BBIP1: variants seen among roughly 807,000 people sequenced by gnomAD.
BBIP1 encodes the protein BBSome-interacting protein 1.
In BBIP1, 6 loss-of-function variants were observed where a neutral mutation model predicts 8.9. The ratio of observed to expected loss-of-function variants is 0.67; its 90% CI spans 0.37 to 1.33. BBIP1 has a LOEUF of 1.33. Ranked by LOEUF, BBIP1 falls within the 40% of genes most tolerant of loss-of-function variation. The probability of loss-of-function intolerance (pLI) is 0.02; values close to 1 mark genes in which losing one functional copy is unlikely to be tolerated. For missense variants in BBIP1, 111 were observed against 109.2 expected, an observed-to-expected ratio of 1.02 and a Z score of -0.07; for synonymous variants, 32 against 33.4, an observed-to-expected ratio of 0.96 and a Z score of 0.14.
At position 110,898,814 on chromosome 10, in the gene BBIP1, A is replaced by G. The variant is rs761358804; in HGVS notation, c.*1546T>C. 2 of 152,606 alleles carry G rather than the reference A, an allele frequency of 1.3e-5. No individual in the cohort carries two copies. The highest frequency in any genetic ancestry group is 1.5e-5 in the Non-Finnish European group (1 of 68,026). The allele number at this position is 152,606 out of a possible 1,614,324, so 9.5% of individuals were successfully genotyped here. A position where few individuals can be genotyped will look rare whatever the true frequency, so the allele number is the denominator to read the frequency against. ...TCACACAGTAAATTTTGAATCTCATAAGGAAGCATATTTGAACCTAGTCAA... is the reference window on the plus strand; with the variant it reads ...TCACACAGTAAATTTTGAATCTCATGAGGAAGCATATTTGAACCTAGTCAA... On this transcript the variant is annotated 3_prime_UTR_variant, in exon 4 of 4. Transcript: ENST00000448814.
chr10:110,906,076 C>T (rs1564691597), intron 2 of BBIP1, among the ~76,000 whole-genome samples: 1 of 150,618 alleles, frequency 6.6e-6, no homozygotes, highest in African/African-American at 2.5e-5. Flanking sequence ...GATCTTGGCT[C>T]ACTGCAAGCT....
At chr10:110,906,841 T>TCA (rs1368509066) in intron 2 of BBIP1, 12 of 152,314 alleles carry the variant, frequency 7.9e-5, no homozygotes, top group Non-Finnish European at 1.8e-4. Flanking sequence ...ATTACAGGCG[T>TCA]GAGCCACTGT....
intron 2 of BBIP1, among the ~76,000 whole-genome samples, chr10:110,908,941 G>A (rs1301477977): frequency 6.6e-6 from 1 of 152,184 alleles, no homozygotes; most frequent in Non-Finnish European, 1.5e-5. Context: ...GTATTCAGGA[G>A]GACAATTACA....
rs1210114050 is a variant in BBIP1, at chr10:110,900,390, T to TGCCA, written c.245_248dup (p.Glu84GlyfsTer15). On this transcript the variant is annotated frameshift_variant, in exon 4 of 4. Transcript: ENST00000448814. LOFTEE classifies it high-confidence loss of function. Reference sequence around the variant, plus strand: ...GGGTTATTTGCCGTTGATCCTTTTCTGCCATTTCTTGTTGGCGAATTGTAT... The same window carrying TGCCA: ...GGGTTATTTGCCGTTGATCCTTTTCTGCCAGCCATTTCTTGTTGGCGAATTGTAT... 2.6e-6 allele frequency: 4 copies of TGCCA among 1,535,460 alleles called. No individual in the cohort carries two copies. In the Admixed American group the frequency reaches 7.8e-5, roughly 30 times the overall value.
intron 2 of BBIP1, among the ~76,000 whole-genome samples, chr10:110,909,807 C>T (rs888634999): frequency 2.6e-5 from 4 of 152,248 alleles, no homozygotes; most frequent in African/African-American, 9.6e-5. Context: ...ACAACAAAAG[C>T]ATTACTCTTT....
Position 110,900,302 on chromosome 10 carries a change from C to T in BBIP1, c.*58G>A. On this transcript the variant is annotated 3_prime_UTR_variant, in exon 4 of 4. Transcript: ENST00000448814. ...CTTTCAGCACACAGAAGCATATTTTCTAGTTATTGTTAAATAGTAGATAAG... is the reference window on the plus strand; with the variant it reads ...CTTTCAGCACACAGAAGCATATTTTTTAGTTATTGTTAAATAGTAGATAAG... 7.0e-7 allele frequency: 1 copy of T among 1,421,926 alleles called. No individual in the cohort carries two copies. Among genetic ancestry groups the T allele is most frequent in the Non-Finnish European group, 9.3e-7 (1 of 1,069,580 alleles). 88.1% of individuals were successfully genotyped at this position (1,421,926 alleles called of 1,614,324 possible). A position where few individuals can be genotyped will look rare whatever the true frequency, so the allele number is the denominator to read the frequency against.
intron 2 of BBIP1, chr10:110,911,886 C>T (rs1386850897): frequency 2.0e-5 from 3 of 152,042 alleles, no homozygotes; most frequent in Non-Finnish European, 4.4e-5. Flanking sequence ...GAGAGATAAT[C>T]GTAGACTATG....
Position 110,900,352 on chromosome 10 carries a change from G to C in BBIP1, c.*8C>G, listed in dbSNP as rs1298967390. 3 of 1,533,170 alleles carry C rather than the reference G, an allele frequency of 2.0e-6. No individual in the cohort carries two copies. In the Admixed American group the frequency reaches 5.9e-5, roughly 30 times the overall value. The allele number at this position is 1,533,170 out of a possible 1,614,324, so 95.0% of individuals were successfully genotyped here. A position where few individuals can be genotyped will look rare whatever the true frequency, so the allele number is the denominator to read the frequency against. ...GGCAGGTTGTTCCCTAAAGTGCTCA[G>C]TTATCATTCAGTGGGTTATTTGCCG... On this transcript the variant is annotated 3_prime_UTR_variant, in exon 4 of 4. Coordinates refer to ENST00000448814, the MANE Select transcript of BBIP1 (RefSeq NM_001195305.3).
intron 2 of BBIP1, chr10:110,903,314 A>C (rs1156749763): frequency 6.6e-6 from 1 of 152,238 alleles, no homozygotes; most frequent in African/African-American, 2.4e-5. Flanking sequence ...AAAACAATGA[A>C]ACTTGGTGCT....
At chr10:110,916,304 C>G (rs1174038345) in intron 2 of BBIP1, among the ~76,000 whole-genome samples, 1 of 152,096 alleles carries the variant, frequency 6.6e-6, no homozygotes. Flanking sequence ...CAGTTTTTTC[C>G]TTTCACTTAT....
intron 2 of BBIP1, chr10:110,917,820 T>C: frequency 4.6e-6 from 1 of 215,286 alleles, no homozygotes; most frequent in Non-Finnish European, 7.6e-6. Context: ...GCTAAAAACA[T>C]AAGCGCTATT....
chr10:110,903,920 A>G (rs1420852346), intron 2 of BBIP1: 1 of 152,256 alleles, frequency 6.6e-6, no homozygotes, highest in Non-Finnish European at 1.5e-5. Flanking sequence ...CATGAGCATT[A>G]CAACGGGGTA....
rs1473657985 is a variant in BBIP1, at chr10:110,900,504, T to C, written c.135A>G (p.Ile45Met). 5.2e-6 allele frequency: 8 copies of C among 1,532,546 alleles called. No homozygotes were observed. The highest frequency in any genetic ancestry group is 5.2e-6 in the Non-Finnish European group (6 of 1,145,508). The allele number at this position is 1,532,546 out of a possible 1,614,324, so 94.9% of individuals were successfully genotyped here. Reference sequence around the variant, plus strand: ...TGGGTTTACACAGCACCATTGTCATTATATCTTCCACAAACAGTGGCCCTA... The same window carrying C: ...TGGGTTTACACAGCACCATTGTCATCATATCTTCCACAAACAGTGGCCCTA... ...PKQGPLFVED[I>M]MTMVLCKPKL... Residue 45 changes from isoleucine (I) to methionine (M), a missense_variant, in exon 4 of 4, where the codon ATA (isoleucine) becomes ATG (methionine). Physicochemically the swap from Ile to Met is conservative, Grantham distance 10. Transcript: ENST00000448814.
At chr10:110,902,262 A>G (rs1308386970) in intron 2 of BBIP1, 1 of 153,332 alleles carries the variant, frequency 6.5e-6, no homozygotes, top group African/African-American at 2.4e-5. Context: ...AAGGACCAAC[A>G]ATATTTAACT....
chr10:110,907,527 AAAAG>A (rs1221945945), intron 2 of BBIP1: 86 of 496,668 alleles, frequency 1.7e-4, no homozygotes, highest in African/African-American at 4.0e-4. Flanking sequence ...AAAAAAAAAA[AAAAG>A]AAAAGAAAAG....
Position 110,900,429 on chromosome 10 carries a change from A to G in BBIP1, c.210T>C (p.His70=). The change falls in exon 4 of 4, where the codon CAT becomes CAC. Residue 70 remains histidine, a synonymous_variant. Coordinates refer to ENST00000448814, the MANE Select transcript of BBIP1 (RefSeq NM_001195305.3). ...SLTLEKLEKM[H]QAAQNTIRQQ... ...GGCGAATTGTATTCTGTGCTGCTTG[A>G]TGCATTTTCTCTAGTTTTTCCAGAG... 1 of 1,535,822 alleles carries G rather than the reference A, an allele frequency of 6.5e-7. No homozygotes were observed. The highest frequency in any genetic ancestry group is 1.2e-5 in the South Asian group (1 of 84,056).
At chr10:110,905,820 T>G (rs12261765) in intron 2 of BBIP1, among the ~76,000 whole-genome samples, 2 of 152,094 alleles carry the variant, frequency 1.3e-5, no homozygotes, top group African/African-American at 4.8e-5. Flanking sequence ...TATTTAAAAA[T>G]AACTGTTACC....
chr10:110,903,537 A>C (rs1846057386), intron 2 of BBIP1: 1 of 152,324 alleles, frequency 6.6e-6, no homozygotes, highest in East Asian at 1.9e-4. Context: ...GAAGGGCTAA[A>C]ATAAGCAAGG....
intron 2 of BBIP1, chr10:110,910,876 T>A (rs1404539178): frequency 2.0e-5 from 3 of 152,192 alleles, no homozygotes; most frequent in Admixed American, 2.0e-4. Flanking sequence ...TGTACAGTAG[T>A]ACAAGCTACG....
Sources: gnomAD v4.1 joint callset for allele counts (sites outside exome capture counted in the v4.1 genomes callset) on GRCh38, gnomAD v4.1.1 for gene constraint, MANE v1.5 for transcripts, NCBI Gene and HGNC (gene_info 2026-07-23, HGNC 2026-07-21) for gene names.